The following PRICKLE1 variants were observed in gnomAD, a reference collection of about 807,000 sequenced individuals.
PRICKLE1 encodes prickle-like protein 1.
PRICKLE1 carries 14 observed loss-of-function variants against 70.2 expected under a neutral mutation model. That is an observed-to-expected ratio of 0.20 (90% CI 0.13 to 0.31). PRICKLE1 has a LOEUF of 0.31. Among genes scored for constraint, PRICKLE1 ranks in the 10% least tolerant of loss-of-function variants. The probability of loss-of-function intolerance (pLI) is 1.00; values close to 1 mark genes in which losing one functional copy is unlikely to be tolerated. For synonymous variants in PRICKLE1, 357 were observed against 379.9 expected, an observed-to-expected ratio of 0.94 and a Z score of 0.70; for missense variants, 821 against 1,026.2, an observed-to-expected ratio of 0.80 and a Z score of 2.73.
chr12:42,493,089 G>A (rs1167826263), intron 1 of PRICKLE1, among the ~76,000 whole-genome samples: 1 of 151,974 alleles, frequency 6.6e-6, no homozygotes, highest in Admixed American at 6.6e-5. Flanking sequence ...ACTCATTAGA[G>A]TTTCAATGTT....
chr12:42,559,195 T>C (rs148922084), intron 1 of PRICKLE1, among the ~76,000 whole-genome samples: 284 of 152,320 alleles, frequency 1.9e-3, no homozygotes, highest in African/African-American at 6.4e-3. Flanking sequence ...TTTCAAACTG[T>C]TTCCTGGTGG....
At position 42,513,535 on chromosome 12, in the gene PRICKLE1, C is replaced by T. The variant is rs191688637; in HGVS notation, c.-48-40971G>A. Among the ~76,000 whole-genome samples, 7 of 152,018 alleles carry T rather than the reference C, an allele frequency of 4.6e-5. No individual in the cohort carries two copies. The East Asian group carries it at 1.4e-3, about 29-fold the overall frequency. On this transcript the variant is annotated intron_variant, in intron 1 of 7. Transcript: ENST00000345127. ...CCCGTGAATAGCTGCTGCATTCCAG[C>T]CTGGGCAACATAGCAAGATGCTGTT...
At chr12:42,525,809 C>T (rs1939790058) in intron 1 of PRICKLE1, among the ~76,000 whole-genome samples, 1 of 151,926 alleles carries the variant, frequency 6.6e-6, no homozygotes, top group East Asian at 1.9e-4. Flanking sequence ...AACAGAACCA[C>T]CTACATCATA....
intron 1 of PRICKLE1, among the ~76,000 whole-genome samples, chr12:42,479,089 A>G (rs1160556776): frequency 2.0e-5 from 3 of 152,356 alleles, no homozygotes; most frequent in Non-Finnish European, 4.4e-5. Context: ...TGGTCTAAGG[A>G]TGTTTTAAAA....
intron 1 of PRICKLE1, among the ~76,000 whole-genome samples, chr12:42,585,434 C>A (rs1397674659): frequency 6.6e-6 from 1 of 152,030 alleles, no homozygotes; most frequent in African/African-American, 2.4e-5. Context: ...AAAACTGAGA[C>A]ACAGGAAGAA....
At chr12:42,559,060 C>G (rs1300435360) in intron 1 of PRICKLE1, among the ~76,000 whole-genome samples, 2 of 152,130 alleles carry the variant, frequency 1.3e-5, no homozygotes, top group African/African-American at 4.8e-5. Flanking sequence ...GAAAAAGGAG[C>G]CCTTCTACTT....
chr12:42,540,991 T>G (rs1016408922), intron 1 of PRICKLE1, among the ~76,000 whole-genome samples: 3 of 151,234 alleles, frequency 2.0e-5, no homozygotes, highest in Non-Finnish European at 4.4e-5. Context: ...AGGTATTTGG[T>G]TTTTTTTTCA....
chr12:42,573,290 C>T (rs1269788603), intron 1 of PRICKLE1, among the ~76,000 whole-genome samples: 1 of 152,102 alleles, frequency 6.6e-6, no homozygotes, highest in Non-Finnish European at 1.5e-5. Flanking sequence ...GATGTGCTTG[C>T]CAAATAGACC....
At chr12:42,509,156 A>C (rs1402139510) in intron 1 of PRICKLE1, among the ~76,000 whole-genome samples, 6 of 152,172 alleles carry the variant, frequency 3.9e-5, no homozygotes, top group Admixed American at 2.0e-4. Flanking sequence ...GCAGCCACAC[A>C]AGGACTTTTT....
chr12:42,539,540 C>T (rs943898863), intron 1 of PRICKLE1, among the ~76,000 whole-genome samples: 4 of 151,712 alleles, frequency 2.6e-5, no homozygotes, highest in Admixed American at 2.6e-4. Flanking sequence ...TTCTATTTTA[C>T]CCTGAAATAG....
At chr12:42,465,815 C>T (rs937509331) in intron 6 of PRICKLE1, 1 of 342,558 alleles carries the variant, frequency 2.9e-6, no homozygotes, top group Admixed American at 4.4e-5. Flanking sequence ...ATTAATGCAT[C>T]AACAATGTAC....
intron 1 of PRICKLE1, among the ~76,000 whole-genome samples, chr12:42,563,558 C>G (rs944670469): frequency 6.6e-6 from 1 of 151,390 alleles, no homozygotes. Flanking sequence ...AAAAAATTAG[C>G]CAGGCGTGGT....
At chr12:42,516,219 C>T (rs1391961724) in intron 1 of PRICKLE1, among the ~76,000 whole-genome samples, 1 of 152,082 alleles carries the variant, frequency 6.6e-6, no homozygotes, top group African/African-American at 2.4e-5. Context: ...GCAAGCCCCA[C>T]CTCCCGGGTT....
At chr12:42,527,916 A>ACTATT (rs1259916068) in intron 1 of PRICKLE1, among the ~76,000 whole-genome samples, 2 of 20,168 alleles carry the variant, frequency 9.9e-5, no homozygotes, top group Admixed American at 7.3e-4. Flanking sequence ...TACTCTTTAT[A>ACTATT]ATATATATAT....
At chr12:42,460,827 A>G (rs999302949) in intron 7 of PRICKLE1, 162 bp from the exon 8 acceptor site, 38 of 777,428 alleles carry the variant, frequency 4.9e-5, no homozygotes, top group Admixed American at 1.3e-4. Flanking sequence ...CCAATTGAGA[A>G]GTGGTATAAA....
intron 1 of PRICKLE1, among the ~76,000 whole-genome samples, chr12:42,474,836 T>G (rs1163166075): frequency 2.0e-5 from 3 of 152,280 alleles, no homozygotes; most frequent in South Asian, 2.1e-4. Flanking sequence ...CACTAAGGTA[T>G]TTGCTCTGCA....
intron 4 of PRICKLE1, 24 bp downstream of exon 4, chr12:42,469,426 C>T (rs1034546056): frequency 1.9e-5 from 31 of 1,613,364 alleles, no homozygotes; most frequent in African/African-American, 6.7e-5. Context: ...CCACAAGCTA[C>T]GCATCAGAGA....
intron 1 of PRICKLE1, among the ~76,000 whole-genome samples, chr12:42,475,521 G>A (rs1036613245): frequency 7.9e-5 from 12 of 152,066 alleles, no homozygotes; most frequent in African/African-American, 2.7e-4. Context: ...GGGGGGGAGT[G>A]CTGATGGAGC....
At position 42,549,498 on chromosome 12, in the gene PRICKLE1, G is replaced by A. The variant is rs529558503; in HGVS notation, c.-49+39967C>T. Among the ~76,000 whole-genome samples the A allele has an allele frequency of 7.5e-4, 114 of 152,250 alleles. 1 individual carries two copies. The highest frequency in any genetic ancestry group is 2.6e-3 in the African/African-American group (108 of 41,548). ...TCTTTCCTTTAGGGTCCGGGATCAT[G>A]GAACCCACCCCTACCTCTCACTGAC... On this transcript the variant is annotated intron_variant, in intron 1 of 7. Coordinates refer to ENST00000345127, the MANE Select transcript of PRICKLE1 (RefSeq NM_153026.3).
Sources: gnomAD v4.1 joint callset for allele counts (sites outside exome capture counted in the v4.1 genomes callset) on GRCh38, gnomAD v4.1.1 for gene constraint, MANE v1.5 for transcripts, NCBI Gene and HGNC (gene_info 2026-07-23, HGNC 2026-07-21) for gene names.